AKAP13: variants seen among roughly 807,000 people sequenced by gnomAD.
AKAP13 encodes A-kinase anchoring protein 13, also known as A-kinase anchor protein 13.
AKAP13 carries 80 observed loss-of-function variants against 264.5 expected under a neutral mutation model. The ratio of observed to expected loss-of-function variants is 0.30; its 90% CI spans 0.25 to 0.36. The LOEUF (loss-of-function observed/expected upper bound fraction) is 0.36. Among genes scored for constraint, AKAP13 ranks in the 10% least tolerant of loss-of-function variants. AKAP13 has a pLI of 1.00. For missense variants in AKAP13, 3,712 were observed against 3,435.2 expected, an observed-to-expected ratio of 1.08 and a Z score of -2.01; for synonymous variants, 1,380 against 1,250.2, an observed-to-expected ratio of 1.10 and a Z score of -2.19.
chr15:85,400,282 T>C (rs551470007), intron 1 of AKAP13, among the ~76,000 whole-genome samples: 1 of 152,234 alleles, frequency 6.6e-6, no homozygotes, highest in East Asian at 1.9e-4. Context: ...TGGTGATGCA[T>C]GCCTATAGTT....
At chr15:85,510,128 A>G (rs7172006) in intron 2 of AKAP13, among the ~76,000 whole-genome samples, 104,142 of 152,028 alleles carry the variant, frequency 0.69, 36,272 homozygotes, top group African/African-American at 0.81. Flanking sequence ...TGCAATTGTT[A>G]CCTTATGTGT....
intron 2 of AKAP13, among the ~76,000 whole-genome samples, chr15:85,487,363 T>A (rs1037888598): frequency 4.6e-5 from 7 of 152,244 alleles, no homozygotes; most frequent in African/African-American, 1.7e-4. Flanking sequence ...CATCCAAGCT[T>A]TCACCAGTAA....
intron 5 of AKAP13, among the ~76,000 whole-genome samples, chr15:85,556,530 C>A (rs907110574): frequency 2.0e-5 from 3 of 152,092 alleles, no homozygotes; most frequent in African/African-American, 7.2e-5. Context: ...TCATTTTTGC[C>A]TTCCTCCCCC....
intron 8 of AKAP13, among the ~76,000 whole-genome samples, chr15:85,612,451 A>G (rs2080685766): frequency 6.6e-6 from 1 of 152,184 alleles, no homozygotes; most frequent in Non-Finnish European, 1.5e-5. Context: ...ACTTGTATAT[A>G]TACCAACTAT....
intron 1 of AKAP13, among the ~76,000 whole-genome samples, chr15:85,454,494 A>G (rs555326289): frequency 7.2e-5 from 11 of 151,936 alleles, no homozygotes; most frequent in African/African-American, 2.4e-4. Flanking sequence ...CTGTGGGTCA[A>G]GTTGTTTCCT....
At position 85,607,597 on chromosome 15, in the gene AKAP13, A is replaced by AATT. The variant is rs1491515898; in HGVS notation, c.4161+21774_4161+21775insATT. 2.6e-5 allele frequency among the ~76,000 whole-genome samples: 4 copies of AATT among 152,328 alleles called. No individual in the cohort carries two copies. In the South Asian group the frequency reaches 6.2e-4, roughly 24 times the overall value. ...CTTTTAACCACGATGCTAGCTTAAT[A>AATT]GAGTCACTAAGCTACTCATTTGTCC... On this transcript the variant is annotated intron_variant, in intron 8 of 36. Coordinates refer to ENST00000394518, the MANE Select transcript of AKAP13 (RefSeq NM_007200.5).
chr15:85,459,257 C>G (rs2074410104), intron 1 of AKAP13, among the ~76,000 whole-genome samples: 1 of 152,096 alleles, frequency 6.6e-6, no homozygotes, highest in South Asian at 2.1e-4. Context: ...GTGATCTTGG[C>G]TCACTGCAAC....
At chr15:85,735,321 CAA>C (rs924233630) in intron 31 of AKAP13, among the ~76,000 whole-genome samples, 171 bp downstream of exon 31, 1 of 152,032 alleles carries the variant, frequency 6.6e-6, no homozygotes, top group African/African-American at 2.4e-5. Context: ...TTTTGAGTAA[CAA>C]AAAAGATTTT....
At chr15:85,660,849 T>G (rs1456428841) in intron 12 of AKAP13, among the ~76,000 whole-genome samples, 1 of 152,230 alleles carries the variant, frequency 6.6e-6, no homozygotes, top group African/African-American at 2.4e-5. Context: ...TTAAATGATA[T>G]GGTAAAGATT....
At chr15:85,716,045 G>C in intron 20 of AKAP13, 122 bp downstream of exon 20, 1 of 1,283,050 alleles carries the variant, frequency 7.8e-7, no homozygotes, top group East Asian at 2.8e-5. Flanking sequence ...GTCATGGGTT[G>C]GTGCAGACAA....
intron 1 of AKAP13, among the ~76,000 whole-genome samples, chr15:85,446,420 G>A (rs1409682406): frequency 6.6e-6 from 1 of 152,186 alleles, no homozygotes; most frequent in African/African-American, 2.4e-5. Flanking sequence ...GACCGTTAAT[G>A]AGGATAAAGG....
rs773396099 is a variant in AKAP13, at chr15:85,629,764, C to CTTTTTTT, written c.4162-9583_4162-9577dup. ...GAAATATAATGAGTTCCTTTACAGC[C>CTTTTTTT]TTTTTTTTTTTTTTTTTTTTTTTTT... On this transcript the variant is annotated intron_variant, in intron 8 of 36. Transcript: ENST00000394518. Among the ~76,000 whole-genome samples, 373 of 50,528 alleles carry CTTTTTTT rather than the reference C, an allele frequency of 7.4e-3. 75 individuals carry two copies. Among genetic ancestry groups the CTTTTTTT allele is most frequent in the Non-Finnish European group, 9.1e-3 (245 of 26,952 alleles). The allele number at this position is 50,528 out of a possible 152,430, so 33.1% of individuals were successfully genotyped here.
At chr15:85,403,847 C>CA (rs11342591) in intron 1 of AKAP13, among the ~76,000 whole-genome samples, 17,215 of 128,192 alleles carry the variant, frequency 0.13, 1,334 homozygotes, top group Non-Finnish European at 0.2. Flanking sequence ...AAACTCCTCT[C>CA]AAAAAAAAAA....
Position 85,746,742 on chromosome 15 carries a change from G to C in AKAP13, c.*2065G>C, listed in dbSNP as rs2089379770. The C allele has an allele frequency of 6.6e-6, 1 of 152,168 alleles. No homozygotes were observed. The highest frequency in any genetic ancestry group is 2.1e-4 in the South Asian group (1 of 4,816). The allele number at this position is 152,168 out of a possible 1,614,324, so 9.4% of individuals were successfully genotyped here. A position where few individuals can be genotyped will look rare whatever the true frequency, so the allele number is the denominator to read the frequency against. The stretch of plus-strand genomic sequence containing the variant: ...TCGTGACTTTCCTGAGATCTACCCG[G>C]GGCTTGGCTGTCTGTTCTGGGCACT... On this transcript the variant is annotated 3_prime_UTR_variant, in exon 37 of 37. Coordinates refer to ENST00000394518, the MANE Select transcript of AKAP13 (RefSeq NM_007200.5).
intron 1 of AKAP13, among the ~76,000 whole-genome samples, chr15:85,456,091 T>C (rs530451070): frequency 6.6e-6 from 1 of 152,344 alleles, no homozygotes; most frequent in Admixed American, 6.5e-5. Context: ...GCTGCAAACA[T>C]AATTAGAAAA....
At chr15:85,501,188 C>T (rs560462707) in intron 2 of AKAP13, among the ~76,000 whole-genome samples, 3 of 152,040 alleles carry the variant, frequency 2.0e-5, no homozygotes, top group East Asian at 3.8e-4. Flanking sequence ...GTAGTTTGTC[C>T]TGTCTTGTAT....
intron 17 of AKAP13, chr15:85,702,239 T>TCA (rs3223062): frequency 0.063 from 9,218 of 146,634 alleles, 455 homozygotes; most frequent in African/African-American, 0.15. Flanking sequence ...AGAGCAAGAC[T>TCA]CACACACACA....
chr15:85,669,701 C>T (rs2083811801), intron 13 of AKAP13, 21 bp from the exon 14 acceptor site: 1 of 1,540,422 alleles, frequency 6.5e-7, no homozygotes, highest in Non-Finnish European at 9.0e-7. Context: ...ACAACGTGTT[C>T]TTCACTTTTT....
intron 1 of AKAP13, among the ~76,000 whole-genome samples, chr15:85,457,613 C>A (rs1486176487): frequency 2.0e-5 from 3 of 152,196 alleles, no homozygotes; most frequent in Admixed American, 1.3e-4. Flanking sequence ...ACAGCTGTTT[C>A]CTCGGGTTGC....
Sources: gnomAD v4.1 joint callset for allele counts (sites outside exome capture counted in the v4.1 genomes callset) on GRCh38, gnomAD v4.1.1 for gene constraint, MANE v1.5 for transcripts, NCBI Gene and HGNC (gene_info 2026-07-23, HGNC 2026-07-21) for gene names.